ACTR3B: variants seen among roughly 807,000 people sequenced by gnomAD.
ACTR3B encodes the protein actin-related protein 3B.
A neutral mutation model predicts 59.0 loss-of-function variants in ACTR3B; 8 were observed. That is an observed-to-expected ratio of 0.14 (90% CI 0.08 to 0.24). The LOEUF (loss-of-function observed/expected upper bound fraction) is 0.24, where lower values mean the gene tolerates loss of function less well. Ranked by LOEUF, ACTR3B falls within the 10% of genes least tolerant of loss-of-function variation. The pLI is 1.00. For synonymous variants in ACTR3B, 148 were observed against 197.9 expected, an observed-to-expected ratio of 0.75 and a Z score of 2.12; for missense variants, 245 against 552.3, an observed-to-expected ratio of 0.44 and a Z score of 5.58.
chr7:152,822,574 G>A (rs1437086589), intron 7 of ACTR3B, among the ~76,000 whole-genome samples: 1 of 152,094 alleles, frequency 6.6e-6, no homozygotes, highest in African/African-American at 2.4e-5. Flanking sequence ...TTCTTCCCCG[G>A]GACCTATCAC....
intron 9 of ACTR3B, among the ~76,000 whole-genome samples, chr7:152,846,154 G>A (rs1269707582): frequency 2.6e-5 from 4 of 151,842 alleles, no homozygotes; most frequent in Admixed American, 6.6e-5. Flanking sequence ...TGCCCGGGCT[G>A]TAGTCTGCAG....
In ACTR3B at chr7:152,816,555, C is replaced by A; in HGVS notation, c.507C>A (p.Asp169Glu). The change falls in exon 6 of 12, where the codon GAC becomes GAA. Residue 169 changes from aspartate to glutamate, a missense_variant. Asp to Glu is a conservative substitution (Grantham distance 45, BLOSUM62 2). This residue lies in a region of ACTR3B where 40 missense variants were observed against 70.4 expected (regional missense o/e 0.57). Coordinates refer to ENST00000256001, the MANE Select transcript of ACTR3B (RefSeq NM_020445.6). ...GTACGTTAACGGGGATAGTCATTGA[C>A]AGCGGAGATGGAGTCACCCATGTTA... ...GERTLTGIVI[D>E]SGDGVTHVIP... is the part of the protein sequence containing the mutation. 2 of 1,601,500 alleles carry A rather than the reference C, an allele frequency of 1.2e-6. No homozygotes were observed. Among genetic ancestry groups the A allele is most frequent in the Non-Finnish European group, 1.7e-6 (2 of 1,173,332 alleles).
intron 1 of ACTR3B, among the ~76,000 whole-genome samples, chr7:152,761,715 G>T (rs1452612729): frequency 6.6e-6 from 1 of 152,146 alleles, no homozygotes; most frequent in Admixed American, 6.5e-5. Flanking sequence ...GCCAGAAGGA[G>T]CCTGAAAGAG....
At chr7:152,775,326 A>G (rs1362134579) in intron 1 of ACTR3B, among the ~76,000 whole-genome samples, 5 of 152,046 alleles carry the variant, frequency 3.3e-5, no homozygotes, top group Non-Finnish European at 5.9e-5. Flanking sequence ...AGCAGTTTCA[A>G]TTATATATAA....
At chr7:152,833,260 G>A (rs190497271) in intron 9 of ACTR3B, among the ~76,000 whole-genome samples, 3 of 152,092 alleles carry the variant, frequency 2.0e-5, no homozygotes, top group Admixed American at 6.5e-5. Context: ...CCCATCAGGC[G>A]GCCGTTGAGG....
intron 9 of ACTR3B, among the ~76,000 whole-genome samples, chr7:152,833,204 G>A (rs1033948093): frequency 6.6e-6 from 1 of 152,338 alleles, no homozygotes; most frequent in Non-Finnish European, 1.5e-5. Flanking sequence ...AAGAAGACGT[G>A]TGGGTAATCC....
At chr7:152,817,199 A>G (rs1795770851) in intron 6 of ACTR3B, among the ~76,000 whole-genome samples, 1 of 152,220 alleles carries the variant, frequency 6.6e-6, no homozygotes, top group Non-Finnish European at 1.5e-5. Context: ...TGCCTGACCA[A>G]CATGGAGAAA....
chr7:152,791,542 G>A (rs1590265274), intron 2 of ACTR3B, among the ~76,000 whole-genome samples: 2 of 152,380 alleles, frequency 1.3e-5, no homozygotes, highest in East Asian at 1.9e-4. Context: ...ATAACCAGAA[G>A]TGAGACCCTG....
rs565927976 is a variant in ACTR3B at position 152,846,988 on chromosome 7, C to T, written c.952-5138C>T. Among the ~76,000 whole-genome samples the T allele has an allele frequency of 3.5e-3, 490 of 138,112 alleles. 5 individuals are homozygous for T. The highest frequency in any genetic ancestry group is 0.013 in the African/African-American group (474 of 36,254). 90.6% of individuals were successfully genotyped at this position (138,112 alleles called of 152,430 possible). A position where few individuals can be genotyped will look rare whatever the true frequency, so the allele number is the denominator to read the frequency against. ...GTAGTCTGCAGTGAGCCCCAGTGTC[C>T]GGGCTGCAGTCTGCAGTGAGCTCTA... is the stretch of plus-strand genomic sequence containing the variant. On this transcript the variant is annotated intron_variant, in intron 9 of 11. Coordinates refer to ENST00000256001, the MANE Select transcript of ACTR3B (RefSeq NM_020445.6).
chr7:152,822,527 G>T (rs535586689), intron 7 of ACTR3B, among the ~76,000 whole-genome samples: 1 of 152,264 alleles, frequency 6.6e-6, no homozygotes, highest in East Asian at 1.9e-4. Flanking sequence ...GCAGCATCCT[G>T]GCGGCTTCAG....
intron 4 of ACTR3B, among the ~76,000 whole-genome samples, chr7:152,804,564 C>T (rs1334143442): frequency 1.3e-5 from 2 of 152,042 alleles, no homozygotes; most frequent in African/African-American, 2.4e-5. Context: ...CAGGTGCCTC[C>T]GAGGAGGGCG....
rs750768634 is a variant in ACTR3B, at chr7:152,849,336, G to A, written c.952-2790G>A. Among the ~76,000 whole-genome samples the A allele has an allele frequency of 1.3e-4, 20 of 152,290 alleles. 2 individuals carry two copies. In the South Asian group the frequency reaches 1.7e-3, roughly 13 times the overall value. ...CGACACCAAGGAACGGGGTGGGGTG[G>A]GGGTTCCGGAGGATCGCTTCACTGC... On this transcript the variant is annotated intron_variant, in intron 9 of 11. Coordinates refer to ENST00000256001, the MANE Select transcript of ACTR3B (RefSeq NM_020445.6).
At chr7:152,828,648 G>A (rs1161023046) in intron 9 of ACTR3B, among the ~76,000 whole-genome samples, 2 of 152,184 alleles carry the variant, frequency 1.3e-5, no homozygotes, top group African/African-American at 4.8e-5. Context: ...CTGGACGGCC[G>A]CTCATTCCTG....
At chr7:152,761,586 G>T (rs1184227842) in intron 1 of ACTR3B, among the ~76,000 whole-genome samples, 1 of 152,154 alleles carries the variant, frequency 6.6e-6, no homozygotes, top group Non-Finnish European at 1.5e-5. Flanking sequence ...GGCTAACTTG[G>T]AGATTCAACT....
At chr7:152,767,397 A>G (rs911584837) in intron 1 of ACTR3B, among the ~76,000 whole-genome samples, 63 of 152,142 alleles carry the variant, frequency 4.1e-4, no homozygotes, top group Non-Finnish European at 5.4e-4. Flanking sequence ...TAGGCTCTTT[A>G]GAATGATTTC....
At chr7:152,786,058 C>T (rs11489450) in intron 2 of ACTR3B, among the ~76,000 whole-genome samples, 4,075 of 7,524 alleles carry the variant, frequency 0.54, 1,276 homozygotes, top group East Asian at 0.68. Flanking sequence ...TTTCTTAAGT[C>T]GTTGGAGGAT....
At chr7:152,815,809 A>G (rs1457300881) in intron 5 of ACTR3B, among the ~76,000 whole-genome samples, 1 of 152,258 alleles carries the variant, frequency 6.6e-6, no homozygotes, top group African/African-American at 2.4e-5. Flanking sequence ...TATTTTAAAC[A>G]ACTCCACAAG....
At chr7:152,810,642 C>G (rs1164623911) in intron 4 of ACTR3B, 1 of 151,830 alleles carries the variant, frequency 6.6e-6, no homozygotes, top group Admixed American at 6.6e-5. Flanking sequence ...GTGGCTCACG[C>G]CTTGTAATCC....
chr7:152,808,404 G>A (rs1187381587), intron 4 of ACTR3B, among the ~76,000 whole-genome samples: 4 of 150,824 alleles, frequency 2.7e-5, no homozygotes, highest in East Asian at 1.9e-4. Flanking sequence ...TTGTATGTTG[G>A]TAAAACCCAT....
Sources: gnomAD v4.1 joint callset for allele counts (sites outside exome capture counted in the v4.1 genomes callset) on GRCh38, gnomAD v4.1.1 for gene constraint, gnomAD v4.1.1 regional missense constraint, MANE v1.5 for transcripts, NCBI Gene and HGNC (gene_info 2026-07-23, HGNC 2026-07-21) for gene names.